The following SCN8A variants were observed in gnomAD, a reference collection of about 807,000 sequenced individuals.
SCN8A encodes sodium voltage-gated channel alpha subunit 8, also known as sodium channel protein type 8 subunit alpha.
A neutral mutation model predicts 184.1 loss-of-function variants in SCN8A; 30 were observed. The observed-to-expected ratio is 0.16, with a 90% CI of 0.12 to 0.22. The LOEUF is 0.22. SCN8A is among the 10% of genes least tolerant of loss of function. SCN8A has a pLI of 1.00. For missense variants in SCN8A, 1,057 were observed against 2,498.9 expected (o/e 0.42, Z 12.30); for synonymous variants, 852 against 907.0 (o/e 0.94, Z 1.09).
chr12:51,765,363 G>T (rs1219779955), intron 15 of SCN8A, among the ~76,000 whole-genome samples: 1 of 152,118 alleles, frequency 6.6e-6, no homozygotes, highest in African/African-American at 2.4e-5. Flanking sequence ...TAGTAGGAAA[G>T]GGATATGTTC....
At chr12:51,691,719 G>C (rs1274965616) in intron 6 of SCN8A, among the ~76,000 whole-genome samples, 1 of 152,204 alleles carries the variant, frequency 6.6e-6, no homozygotes, top group Non-Finnish European at 1.5e-5. Context: ...ATCACTGTCA[G>C]TAAATGGTAT....
chr12:51,741,633 G>T (rs1299382442), intron 12 of SCN8A, among the ~76,000 whole-genome samples: 2 of 152,042 alleles, frequency 1.3e-5, no homozygotes, highest in African/African-American at 4.8e-5. Flanking sequence ...TGTATCCGTT[G>T]TGTGTTTTTC....
At chr12:51,776,215 C>T (rs1253447742) in intron 20 of SCN8A, among the ~76,000 whole-genome samples, 1 of 152,144 alleles carries the variant, frequency 6.6e-6, no homozygotes, top group Admixed American at 6.5e-5. Context: ...GTCTGGAACT[C>T]CTTGGCCTCC....
chr12:51,701,887 T>G (rs1369347360), intron 8 of SCN8A, among the ~76,000 whole-genome samples: 1 of 152,216 alleles, frequency 6.6e-6, no homozygotes, highest in Admixed American at 6.5e-5. Context: ...GAAATCCATT[T>G]AATTTCTGTA....
At position 51,766,050 on chromosome 12, in the gene SCN8A, T is replaced by G. The variant is rs778589264; in HGVS notation, c.2901+23T>G. 1.3e-5 allele frequency: 21 copies of G among 1,591,904 alleles called. 1 individual carries two copies. In the South Asian group the frequency reaches 1.9e-4, roughly 14 times the overall value. The stretch of plus-strand genomic sequence containing the variant: ...GTGGTTAGTACTAATTTGTAGATAT[T>G]TTTGTTCTACACCCTGAATATTCTA... On this transcript the variant is annotated intron_variant, in intron 16 of 26. Transcript: ENST00000627620.
In SCN8A at chr12:51,807,649, T is replaced by C; in HGVS notation, c.*220T>C. ...CCTAGACTTACAGATTTTCTAATGCTTGGGCAGGTGGTTACTGCATGTTCC... is the reference window on the plus strand; with the variant it reads ...CCTAGACTTACAGATTTTCTAATGCCTGGGCAGGTGGTTACTGCATGTTCC... On this transcript the variant is annotated 3_prime_UTR_variant, in exon 27 of 27. Transcript: ENST00000627620. The surrounding 1 kb of genome is among the most constrained non-coding windows in gnomAD (Gnocchi z 4.5). 1 of 592,220 alleles carries C rather than the reference T, an allele frequency of 1.7e-6. No individual in the cohort carries two copies. Among genetic ancestry groups the C allele is most frequent in the East Asian group, 2.9e-5 (1 of 34,936 alleles). 36.7% of individuals were successfully genotyped at this position (592,220 alleles called of 1,614,324 possible).
chr12:51,698,102 T>C (rs899652566), intron 6 of SCN8A, among the ~76,000 whole-genome samples: 2 of 152,110 alleles, frequency 1.3e-5, no homozygotes, highest in Non-Finnish European at 2.9e-5. Flanking sequence ...GATCCACCTT[T>C]CTTGGCCTCC....
intron 6 of SCN8A, among the ~76,000 whole-genome samples, chr12:51,698,352 G>T (rs1941629877): frequency 6.6e-6 from 1 of 152,190 alleles, no homozygotes; most frequent in African/African-American, 2.4e-5. Context: ...TCAAAGCCAG[G>T]ATTAGGATTC....
intron 1 of SCN8A, among the ~76,000 whole-genome samples, chr12:51,656,364 A>G (rs2138661322): frequency 6.6e-6 from 1 of 152,364 alleles, no homozygotes; most frequent in Non-Finnish European, 1.5e-5. Flanking sequence ...TTGTAAAACA[A>G]AGGAGAATAC....
chr12:51,601,756 T>C (rs1170447621), intron 1 of SCN8A, among the ~76,000 whole-genome samples: 1 of 151,706 alleles, frequency 6.6e-6, no homozygotes, highest in Non-Finnish European at 1.5e-5. Flanking sequence ...CTGGTTCCAG[T>C]GGTGAGGCTC....
chr12:51,753,597 A>G lies in SCN8A; in HGVS notation c.2370+2004A>G, dbSNP rs527795402. Among the ~76,000 whole-genome samples the G allele has an allele frequency of 2.0e-5, 3 of 152,338 alleles. 1 individual carries two copies. Among genetic ancestry groups the G allele is most frequent in the African/African-American group, 7.2e-5 (3 of 41,578 alleles). On this transcript the variant is annotated intron_variant, in intron 14 of 26. Coordinates refer to ENST00000627620, the MANE Select transcript of SCN8A (RefSeq NM_001330260.2). ...AACACGAGCGCTGAGATTGGCAGAA[A>G]GAACACAGAATTGGAAGTCAGAAGA...
At position 51,765,654 on chromosome 12, in the gene SCN8A, G is replaced by GTTTTTTTTT; in HGVS notation, c.2545-15_2545-7dup. ...GAGTATCATTTATTTTTTTGTTTGG[G>GTTTTTTTTT]TTTTTTTTTTCCTTAGCTCCGAGTC... On this transcript the variant is annotated splice_polypyrimidine_tract_variant and intron_variant, in intron 15 of 26. Transcript: ENST00000627620. 8.5e-7 allele frequency: 1 copy of GTTTTTTTTT among 1,172,596 alleles called. No individual in the cohort carries two copies. 72.6% of individuals were successfully genotyped at this position (1,172,596 alleles called of 1,614,324 possible). A position where few individuals can be genotyped will look rare whatever the true frequency, so the allele number is the denominator to read the frequency against.
In SCN8A at chr12:51,699,751, C is replaced by G. The variant is rs565852557; in HGVS notation, c.888C>G (p.Gly296=). Residue 296 remains glycine (G), a synonymous_variant, in exon 7 of 27, where the codon GGC becomes GGG. Transcript: ENST00000627620. ...INFNESYLEN[G]TKGFDWEEYI... is the part of the protein sequence containing the mutation. ...TCAACGAGAGCTATCTTGAAAATGG[C>G]ACCAAAGGCTTTGATTGGGAAGAGT... 2.0e-4 allele frequency: 323 copies of G among 1,613,816 alleles called. 5 individuals carry two copies. In the South Asian group the frequency reaches 3.4e-3, roughly 17 times the overall value.
intron 1 of SCN8A, among the ~76,000 whole-genome samples, chr12:51,644,110 G>A (rs970538725): frequency 7.2e-5 from 11 of 152,114 alleles, no homozygotes; most frequent in Admixed American, 2.6e-4. Context: ...TTGAATCTTG[G>A]TAATCCTGTC....
At chr12:51,784,784 T>C (rs1356205053) in intron 21 of SCN8A, among the ~76,000 whole-genome samples, 1 of 152,210 alleles carries the variant, frequency 6.6e-6, no homozygotes, top group East Asian at 1.9e-4. Flanking sequence ...CTATGGTAAA[T>C]ATTAACCCAT....
At chr12:51,684,990 G>C (rs151229477) in intron 3 of SCN8A, among the ~76,000 whole-genome samples, 3 of 152,292 alleles carry the variant, frequency 2.0e-5, no homozygotes, top group African/African-American at 7.2e-5. Flanking sequence ...ATATTTAACA[G>C]CATGTAGTCC....
chr12:51,728,387 T>C (rs1358392263), intron 12 of SCN8A, among the ~76,000 whole-genome samples: 2 of 152,144 alleles, frequency 1.3e-5, no homozygotes, highest in Non-Finnish European at 2.9e-5. Context: ...GAAGCCAGGT[T>C]GCTGTCTCTG....
chr12:51,685,323 A>G (rs1169689407), intron 3 of SCN8A, among the ~76,000 whole-genome samples: 1 of 152,196 alleles, frequency 6.6e-6, no homozygotes, highest in Non-Finnish European at 1.5e-5. Context: ...TTCTCTTTTT[A>G]AAACTCCACT....
chr12:51,723,987 A>G (rs1375364143), intron 12 of SCN8A, among the ~76,000 whole-genome samples: 1 of 152,184 alleles, frequency 6.6e-6, no homozygotes, highest in Non-Finnish European at 1.5e-5. Context: ...GACCCCTCAG[A>G]GACCCTAATC....
Sources: gnomAD v4.1 joint callset for allele counts (sites outside exome capture counted in the v4.1 genomes callset) on GRCh38, gnomAD v4.1.1 for gene constraint, Gnocchi (gnomAD v3.1) non-coding constraint, MANE v1.5 for transcripts, NCBI Gene and HGNC (gene_info 2026-07-23, HGNC 2026-07-21) for gene names.